The following CREBRF variants were observed in gnomAD, a reference collection of about 807,000 sequenced individuals.
CREBRF encodes the protein UPF0474 protein C5orf41.
In CREBRF, 5 loss-of-function variants were observed where a neutral mutation model predicts 66.1. The ratio of observed to expected loss-of-function variants is 0.08; its 90% CI spans 0.04 to 0.16. The LOEUF is 0.16. Among genes scored for constraint, CREBRF ranks in the 10% least tolerant of loss-of-function variants. The probability of loss-of-function intolerance (pLI) is 1.00; values close to 1 mark genes in which losing one functional copy is unlikely to be tolerated. For missense variants in CREBRF, 531 were observed against 744.9 expected, an observed-to-expected ratio of 0.71 and a Z score of 3.34; for synonymous variants, 229 against 264.4, an observed-to-expected ratio of 0.87 and a Z score of 1.30.
chr5:173,098,278 C>G lies in CREBRF; in HGVS notation c.1222+6877C>G, dbSNP rs1758528303. ...TCTCTGCTCACTGCAAGCTCCGCCT[C>G]CCGGGTTCAGCCATTCTCCTGCCTC... is the stretch of plus-strand genomic sequence containing the variant. On this transcript the variant is annotated intron_variant, in intron 4 of 8. Coordinates refer to ENST00000296953, the MANE Select transcript of CREBRF (RefSeq NM_153607.3). 2.0e-5 allele frequency among the ~76,000 whole-genome samples: 3 copies of G among 151,912 alleles called. No homozygotes were observed. The South Asian group carries it at 6.2e-4, about 32-fold the overall frequency.
rs1378798752 is a variant in CREBRF at position 173,086,544 on chromosome 5, G to A, written c.53G>A (p.Arg18Gln). The A allele has an allele frequency of 3.1e-6, 5 of 1,613,754 alleles. No individual in the cohort carries two copies. The highest frequency in any genetic ancestry group is 4.2e-6 in the Non-Finnish European group (5 of 1,179,788). ...GATCCGCCTTTCGGGGATGCCTTTC[G>A]AAGCCACACCTTTTCGGAACAAACT... The part of the protein sequence containing the change: ...GMDPPFGDAF[R>Q]SHTFSEQTLM... Residue 18 changes from arginine to glutamine, a missense_variant, in exon 3 of 9, where the codon CGA (arginine) becomes CAA (glutamine). By Grantham distance (43) the Arg-to-Gln change is conservative. This residue lies in a region of CREBRF where 133 missense variants were observed against 215.6 expected (regional missense o/e 0.62). Transcript: ENST00000296953.
intron 8 of CREBRF, among the ~76,000 whole-genome samples, chr5:173,125,835 G>A (rs919668976): frequency 3.3e-5 from 5 of 152,200 alleles, no homozygotes; most frequent in African/African-American, 4.8e-5. Context: ...CTGCGCTCCC[G>A]CCTGGGCGAC....
chr5:173,127,820 T>C (rs180808088), intron 8 of CREBRF, among the ~76,000 whole-genome samples: 173 of 152,342 alleles, frequency 1.1e-3, no homozygotes, highest in African/African-American at 3.9e-3. Context: ...GAGTCATTTT[T>C]GATAATTTAC....
At chr5:173,075,234 C>T (rs1757724856) in intron 1 of CREBRF, among the ~76,000 whole-genome samples, 1 of 152,100 alleles carries the variant, frequency 6.6e-6, no homozygotes. Context: ...ATTTTACTTG[C>T]CTGTTTCTAA....
In CREBRF at chr5:173,080,779, C is replaced by T; in HGVS notation, c.4C>T (p.Pro2Ser). 1 of 1,613,442 alleles carries T rather than the reference C, an allele frequency of 6.2e-7. No homozygotes were observed. The highest frequency in any genetic ancestry group is 8.5e-7 in the Non-Finnish European group (1 of 1,179,602). Reference protein sequence around the residue: MPQPSVSGMDPP... With the variant: MSQPSVSGMDPP... The stretch of plus-strand genomic sequence containing the variant: ...TTCACAGGATCTGGGCTTGGAAATG[C>T]CTCAGGTAAATCATACAGAGTAGGT... Residue 2 changes from proline to serine, a missense_variant, in exon 2 of 9, where the codon CCT (proline) becomes TCT (serine). Transcript: ENST00000296953.
At position 173,138,012 on chromosome 5, in the gene CREBRF, TAAAG is replaced by T. The variant is rs1247793817; in HGVS notation, c.*4268_*4271del. 6.6e-6 allele frequency: 1 copy of T among 152,160 alleles called. No homozygotes were observed. Among genetic ancestry groups the T allele is most frequent in the Admixed American group, 6.6e-5 (1 of 15,260 alleles). The allele number at this position is 152,160 out of a possible 1,614,324, so 9.4% of individuals were successfully genotyped here. A position where few individuals can be genotyped will look rare whatever the true frequency, so the allele number is the denominator to read the frequency against. On this transcript the variant is annotated 3_prime_UTR_variant, in exon 9 of 9. Transcript: ENST00000296953. ...ATGCATTGAATTATGCTTTCAGTGT[TAAAG>T]TAAAAGGTTTCAATTATCCTTCTAG...
At chr5:173,071,682 A>G (rs1757602954) in intron 1 of CREBRF, among the ~76,000 whole-genome samples, 2 of 152,008 alleles carry the variant, frequency 1.3e-5, no homozygotes, top group African/African-American at 4.8e-5. Flanking sequence ...CAAGAAATGT[A>G]TGGGAGTTGC....
chr5:173,070,051 C>T (rs925411297), intron 1 of CREBRF, among the ~76,000 whole-genome samples: 13 of 151,936 alleles, frequency 8.6e-5, no homozygotes, highest in Admixed American at 8.5e-4. Flanking sequence ...TGTGCCACCA[C>T]GCCTAACTAA....
In CREBRF at chr5:173,091,181, G is replaced by A. The variant is rs775088886; in HGVS notation, c.1002G>A (p.Glu334=). The A allele has an allele frequency of 9.3e-6, 15 of 1,614,046 alleles. No homozygotes were observed. The highest frequency in any genetic ancestry group is 3.3e-4 in the Middle Eastern group (2 of 6,084). ...SVSDSSQKKE[E]HNYSLFVSDN... ...CAGATTCATCCCAGAAAAAAGAAGA[G>A]CACAATTATTCTCTTTTTGTCTCCG... The change falls in exon 4 of 9, where the codon GAG becomes GAA. Residue 334 remains glutamate, a synonymous_variant. Coordinates refer to ENST00000296953, the MANE Select transcript of CREBRF (RefSeq NM_153607.3).
chr5:173,086,731 A>G (rs1758160009), intron 3 of CREBRF, 105 bp downstream of exon 3: 2 of 933,112 alleles, frequency 2.1e-6, no homozygotes, highest in Admixed American at 2.6e-5. Flanking sequence ...TGCTTGGGCC[A>G]AGTTTGATTC....
intron 4 of CREBRF, among the ~76,000 whole-genome samples, chr5:173,094,603 G>A (rs1257790157): frequency 4.6e-5 from 7 of 151,950 alleles, no homozygotes; most frequent in South Asian, 2.1e-4. Flanking sequence ...GTTTATTCAG[G>A]TCCTTTGCCC....
intron 2 of CREBRF, among the ~76,000 whole-genome samples, chr5:173,082,337 G>A (rs1269008093): frequency 6.8e-6 from 1 of 148,048 alleles, no homozygotes; most frequent in African/African-American, 2.5e-5. Context: ...TATTTATTGA[G>A]TACTTGAATT....
At position 173,096,130 on chromosome 5, in the gene CREBRF, G is replaced by A. The variant is rs183874684; in HGVS notation, c.1222+4729G>A. ...ACTACAGGTGCCTGCCACCAAACCC[G>A]GCTAATTTTTTTGTATTTTTAGTAG... On this transcript the variant is annotated intron_variant, in intron 4 of 8. Coordinates refer to ENST00000296953, the MANE Select transcript of CREBRF (RefSeq NM_153607.3). Among the ~76,000 whole-genome samples, 537 of 152,082 alleles carry A rather than the reference G, an allele frequency of 3.5e-3. 4 individuals carry two copies. The highest frequency in any genetic ancestry group is 0.012 in the African/African-American group (517 of 41,494).
chr5:173,076,812 G>A (rs751013701), intron 1 of CREBRF, among the ~76,000 whole-genome samples: 1 of 151,624 alleles, frequency 6.6e-6, no homozygotes, highest in Non-Finnish European at 1.5e-5. Flanking sequence ...TTGTGGATCT[G>A]GAACAGTTTA....
In CREBRF at chr5:173,137,687, A is replaced by T. The variant is rs1029441100; in HGVS notation, c.*3942A>T. Reference sequence around the variant, plus strand: ...ATGCTGTTAGTTTGGATTTCTTTTTATATATATATATAATATTCATACAAT... The same window carrying T: ...ATGCTGTTAGTTTGGATTTCTTTTTTTATATATATATAATATTCATACAAT... On this transcript the variant is annotated 3_prime_UTR_variant, in exon 9 of 9. Coordinates refer to ENST00000296953, the MANE Select transcript of CREBRF (RefSeq NM_153607.3). The T allele has an allele frequency of 2.0e-5, 3 of 151,360 alleles. No individual in the cohort carries two copies. Among genetic ancestry groups the T allele is most frequent in the African/African-American group, 7.3e-5 (3 of 41,278 alleles). The allele number at this position is 151,360 out of a possible 1,614,324, so 9.4% of individuals were successfully genotyped here.
intron 1 of CREBRF, among the ~76,000 whole-genome samples, chr5:173,060,607 A>G (rs1035947067): frequency 6.6e-6 from 1 of 152,076 alleles, no homozygotes; most frequent in Non-Finnish European, 1.5e-5. Flanking sequence ...TTGAGGAACA[A>G]TTCACTGACA....
Position 173,135,742 on chromosome 5 carries a change from C to G in CREBRF, c.*1997C>G, listed in dbSNP as rs1280960400. 1.3e-5 allele frequency: 2 copies of G among 152,230 alleles called. No homozygotes were observed. The allele number at this position is 152,230 out of a possible 1,614,324, so 9.4% of individuals were successfully genotyped here. ...TATATATAGCTTGTGAAGGTTTGAT[C>G]TAGAACACCCAGTAACAAATGAACA... On this transcript the variant is annotated 3_prime_UTR_variant, in exon 9 of 9. Coordinates refer to ENST00000296953, the MANE Select transcript of CREBRF (RefSeq NM_153607.3).
chr5:173,125,593 G>A (rs1055526836), intron 8 of CREBRF, among the ~76,000 whole-genome samples: 7 of 152,114 alleles, frequency 4.6e-5, no homozygotes, highest in Admixed American at 2.0e-4. Flanking sequence ...ATCCGGGCAC[G>A]GTGGCTCACG....
intron 6 of CREBRF, 145 bp from the exon 7 acceptor site, chr5:173,112,161 T>C (rs1758885315): frequency 2.0e-6 from 1 of 488,788 alleles, no homozygotes; most frequent in African/African-American, 2.0e-5. Context: ...CCCAGCACTT[T>C]AGGAGGCCAA....
Sources: gnomAD v4.1 joint callset for allele counts (sites outside exome capture counted in the v4.1 genomes callset) on GRCh38, gnomAD v4.1.1 for gene constraint, gnomAD v4.1.1 regional missense constraint, MANE v1.5 for transcripts, NCBI Gene and HGNC (gene_info 2026-07-23, HGNC 2026-07-21) for gene names.